The following ZC3H12B variants were observed in gnomAD, a reference collection of about 807,000 sequenced individuals.
The protein encoded by ZC3H12B is probable ribonuclease ZC3H12B.
In ZC3H12B, 7 loss-of-function variants were observed where a neutral mutation model predicts 43.9. The ratio of observed to expected loss-of-function variants is 0.16; its 90% CI spans 0.09 to 0.30. The LOEUF (loss-of-function observed/expected upper bound fraction) is 0.30, where lower values mean the gene tolerates loss of function less well. Among genes scored for constraint, ZC3H12B ranks in the 10% least tolerant of loss-of-function variants. ZC3H12B has a pLI of 1.00. For missense variants in ZC3H12B, 475 were observed against 670.2 expected, an observed-to-expected ratio of 0.71 and a Z score of 3.22; for synonymous variants, 222 against 241.7, an observed-to-expected ratio of 0.92 and a Z score of 0.76.
the ZC3H12B span, among the ~76,000 whole-genome samples, chrX:65,188,549 G>C: frequency 1.8e-5 from 2 of 110,465 alleles, no homozygotes; most frequent in East Asian, 5.7e-4. Flanking sequence ...GTTTGGATTT[G>C]CATTTCTTTG....
chrX:65,071,109 A>G, the ZC3H12B span, among the ~76,000 whole-genome samples: 1 of 109,354 alleles, frequency 9.1e-6, no homozygotes, highest in Non-Finnish European at 1.9e-5. Flanking sequence ...GGTCTCAAGG[A>G]ACTTATTTTA....
At chrX:65,337,716 C>G in the ZC3H12B span, among the ~76,000 whole-genome samples, 12 of 112,429 alleles carry the variant, frequency 1.1e-4, no homozygotes, top group East Asian at 2.2e-3. Flanking sequence ...AAAAGTGATT[C>G]TAAAGTTGGA....
At chrX:65,194,041 A>G in the ZC3H12B span, among the ~76,000 whole-genome samples, 1 of 109,155 alleles carries the variant, frequency 9.2e-6, no homozygotes, top group Non-Finnish European at 1.9e-5. Flanking sequence ...CTTTTAAACA[A>G]CCAGATATCA....
the ZC3H12B span, among the ~76,000 whole-genome samples, chrX:65,056,473 GT>G: frequency 9.0e-6 from 1 of 111,338 alleles, no homozygotes; most frequent in Non-Finnish European, 1.9e-5. Flanking sequence ...TATAATTTCT[GT>G]TTTTTTACAT....
the ZC3H12B span, among the ~76,000 whole-genome samples, chrX:65,207,623 T>A: frequency 2.8e-5 from 3 of 108,151 alleles, no homozygotes; most frequent in African/African-American, 1.0e-4. Flanking sequence ...TGCCTCCAGC[T>A]TTGTTCTTTT....
At chrX:65,095,866 G>T in the ZC3H12B span, among the ~76,000 whole-genome samples, 2 of 110,677 alleles carry the variant, frequency 1.8e-5, no homozygotes, top group African/African-American at 3.3e-5. Context: ...AAAAGACTGA[G>T]CTCTAAATCA....
At chrX:65,102,065 C>G in the ZC3H12B span, among the ~76,000 whole-genome samples, 1 of 111,959 alleles carries the variant, frequency 8.9e-6, no homozygotes, top group Non-Finnish European at 1.9e-5. Flanking sequence ...CCCTGGGATG[C>G]AAGGCTGGTT....
chrX:65,139,285 G>A, the ZC3H12B span, among the ~76,000 whole-genome samples: 6 of 112,235 alleles, frequency 5.3e-5, no homozygotes, highest in Admixed American at 3.8e-4. Flanking sequence ...AAATAAGAGT[G>A]TAGTTTTATC....
At chrX:65,151,590 C>T in the ZC3H12B span, among the ~76,000 whole-genome samples, 3 of 111,874 alleles carry the variant, frequency 2.7e-5, no homozygotes, top group East Asian at 8.4e-4. Context: ...GGTGTGACTT[C>T]AGATATAAAC....
At chrX:65,350,249 A>T in the ZC3H12B span, among the ~76,000 whole-genome samples, 1 of 111,906 alleles carries the variant, frequency 8.9e-6, no homozygotes, top group Non-Finnish European at 1.9e-5. Context: ...AGAAGCAATC[A>T]CAAAAACCTC....
intron 3 of ZC3H12B, among the ~76,000 whole-genome samples, chrX:65,454,171 T>G (rs2067567447): frequency 8.9e-6 from 1 of 112,685 alleles, no homozygotes; most frequent in South Asian, 3.6e-4. Context: ...GCACCAAGCC[T>G]GAGCTGAAGC....
At chrX:65,347,846 T>A in the ZC3H12B span, among the ~76,000 whole-genome samples, 6 of 112,210 alleles carry the variant, frequency 5.3e-5, no homozygotes, top group African/African-American at 1.6e-4. Flanking sequence ...CAAATGTCCA[T>A]CAATGATAGA....
At chrX:65,179,651 A>G in the ZC3H12B span, among the ~76,000 whole-genome samples, 2 of 111,385 alleles carry the variant, frequency 1.8e-5, no homozygotes, top group Non-Finnish European at 3.8e-5. Context: ...TAAAAATGAT[A>G]GGATGTCACC....
chrX:65,284,068 G>C, the ZC3H12B span, among the ~76,000 whole-genome samples: 12 of 110,572 alleles, frequency 1.1e-4, no homozygotes, highest in Admixed American at 1.1e-3. Context: ...TCATCTTATA[G>C]CCAAATAAAT....
At chrX:65,399,407 A>T (rs1042970081) in intron 3 of ZC3H12B, among the ~76,000 whole-genome samples, 3 of 112,371 alleles carry the variant, frequency 2.7e-5, no homozygotes, top group Non-Finnish European at 5.6e-5. Flanking sequence ...GGACATACAC[A>T]TGGAAAACAG....
chrX:65,161,637 A>G, the ZC3H12B span, among the ~76,000 whole-genome samples: 1 of 110,809 alleles, frequency 9.0e-6, no homozygotes, highest in Middle Eastern at 4.2e-3. Flanking sequence ...GCATCCTTTT[A>G]TTTTGAGTCT....
chrX:65,209,726 A>T, the ZC3H12B span, among the ~76,000 whole-genome samples: 496 of 108,701 alleles, frequency 4.6e-3, 4 homozygotes, highest in African/African-American at 0.016. Context: ...AGAGATATAG[A>T]TCAATGGAAC....
At chrX:65,440,588 CT>C (rs1359176296) in intron 3 of ZC3H12B, among the ~76,000 whole-genome samples, 2 of 112,234 alleles carry the variant, frequency 1.8e-5, no homozygotes, top group East Asian at 5.6e-4. Context: ...AGGTTGTTTA[CT>C]GCAGGAATTG....
At chrX:65,092,734 G>A in the ZC3H12B span, among the ~76,000 whole-genome samples, 1 of 112,042 alleles carries the variant, frequency 8.9e-6, no homozygotes, top group Non-Finnish European at 1.9e-5. Context: ...GCAAACAAAT[G>A]ACATAAAACT....
Sources: allele counts gnomAD v4.1 joint callset (sites outside exome capture counted in the v4.1 genomes callset), GRCh38; gene constraint gnomAD v4.1.1; transcripts MANE v1.5; gene names NCBI Gene and HGNC (gene_info 2026-07-23, HGNC 2026-07-21).